The following SELENOF variants were observed in gnomAD, a reference collection of about 807,000 sequenced individuals.
SELENOF encodes selenoprotein F.
In SELENOF, 16 loss-of-function variants were observed where a neutral mutation model predicts 20.5. The ratio of observed to expected loss-of-function variants is 0.78; its 90% CI spans 0.53 to 1.19. The LOEUF is 1.19. SELENOF is among the 50% of genes most tolerant of loss of function. SELENOF has a pLI of 0.00. For synonymous variants in SELENOF, 78 were observed against 74.5 expected (o/e 1.05, Z -0.24); for missense variants, 215 against 194.2 (o/e 1.11, Z -0.64).
chr1:86,871,904 A>G (rs998421543), intron 3 of SELENOF, among the ~76,000 whole-genome samples: 1 of 152,194 alleles, frequency 6.6e-6, no homozygotes, highest in Non-Finnish European at 1.5e-5. Context: ...TAGCAAATAA[A>G]GTCCAAGAAA....
intron 2 of SELENOF, among the ~76,000 whole-genome samples, chr1:86,891,810 G>C (rs570419752): frequency 4.7e-4 from 71 of 152,108 alleles, no homozygotes; most frequent in African/African-American, 1.6e-3. Context: ...GATAATAATG[G>C]AATTTACCGA....
chr1:86,866,248 G>A (rs1017182030), intron 4 of SELENOF, among the ~76,000 whole-genome samples: 2 of 146,280 alleles, frequency 1.4e-5, no homozygotes, highest in African/African-American at 5.2e-5. Flanking sequence ...GTGTGTGTGT[G>A]TGTGTGTGTG....
At chr1:86,899,876 C>T (rs1462473134) in intron 2 of SELENOF, among the ~76,000 whole-genome samples, 4 of 149,046 alleles carry the variant, frequency 2.7e-5, no homozygotes, top group Non-Finnish European at 4.5e-5. Context: ...TCAGATGGGG[C>T]GGCTGGGCAG....
intron 4 of SELENOF, 42 bp from the exon 5 acceptor site, chr1:86,863,647 A>G: frequency 6.2e-7 from 1 of 1,601,386 alleles, no homozygotes; most frequent in Non-Finnish European, 8.5e-7. Context: ...CTGTTCAGAA[A>G]CAACCTTCTC....
At chr1:86,865,026 CTTA>C (rs1483427031) in intron 4 of SELENOF, among the ~76,000 whole-genome samples, 1 of 151,832 alleles carries the variant, frequency 6.6e-6, no homozygotes, top group African/African-American at 2.4e-5. Context: ...TATTAAAAAA[CTTA>C]TTATAATCCC....
At chr1:86,896,991 T>G (rs1428361826) in intron 2 of SELENOF, among the ~76,000 whole-genome samples, 1 of 149,356 alleles carries the variant, frequency 6.7e-6, no homozygotes, top group Non-Finnish European at 1.5e-5. Flanking sequence ...AGGCTGGAGA[T>G]TCATAAACAT....
chr1:86,883,615 T>C (rs1659135861), intron 2 of SELENOF, among the ~76,000 whole-genome samples: 1 of 152,234 alleles, frequency 6.6e-6, no homozygotes, highest in Admixed American at 6.5e-5. Context: ...ATTTATCTTT[T>C]GTTTATAAGC....
chr1:86,870,091 T>C (rs559146669), intron 3 of SELENOF, among the ~76,000 whole-genome samples: 2 of 152,234 alleles, frequency 1.3e-5, no homozygotes, highest in East Asian at 3.8e-4. Flanking sequence ...ATAAAAACAA[T>C]TGTTTCATTT....
chr1:86,883,460 T>C (rs1396436856), intron 2 of SELENOF, among the ~76,000 whole-genome samples: 1 of 151,550 alleles, frequency 6.6e-6, no homozygotes, highest in African/African-American at 2.4e-5. Context: ...CACTAAATAG[T>C]GTATAGTGTA....
At chr1:86,903,215 C>G (rs758281614) in intron 2 of SELENOF, 66 bp downstream of exon 2, 1 of 1,391,670 alleles carries the variant, frequency 7.2e-7, no homozygotes, top group African/African-American at 1.5e-5. Flanking sequence ...ATTGATTAAG[C>G]AACTTACATT....
At chr1:86,883,318 G>A (rs913170232) in intron 2 of SELENOF, among the ~76,000 whole-genome samples, 4 of 152,134 alleles carry the variant, frequency 2.6e-5, no homozygotes, top group African/African-American at 9.7e-5. Flanking sequence ...TGTTTCATGG[G>A]TGTAAGTTTC....
At chr1:86,874,190 C>T (rs987611094) in intron 3 of SELENOF, among the ~76,000 whole-genome samples, 6 of 151,576 alleles carry the variant, frequency 4.0e-5, no homozygotes, top group Non-Finnish European at 7.4e-5. Context: ...AGGCTGGTCT[C>T]GAACGCCTGA....
chr1:86,886,331 GC>G (rs1659216844), intron 2 of SELENOF, among the ~76,000 whole-genome samples: 2 of 152,150 alleles, frequency 1.3e-5, no homozygotes, highest in South Asian at 4.2e-4. Flanking sequence ...GGCAAAAATT[GC>G]AAAATGGTAA....
intron 3 of SELENOF, among the ~76,000 whole-genome samples, chr1:86,871,555 A>G (rs1658769585): frequency 6.6e-6 from 1 of 152,212 alleles, no homozygotes; most frequent in African/African-American, 2.4e-5. Context: ...AAAGTATAAT[A>G]AAAATGTATG....
chr1:86,913,854 G>A, intron 1 of SELENOF, 174 bp downstream of exon 1: 4 of 617,704 alleles, frequency 6.5e-6, no homozygotes, highest in East Asian at 2.8e-5. Flanking sequence ...AACCCAAGGC[G>A]GGGAAGGAGA....
At chr1:86,890,446 A>T (rs2102103534) in intron 2 of SELENOF, among the ~76,000 whole-genome samples, 1 of 152,294 alleles carries the variant, frequency 6.6e-6, no homozygotes, top group Non-Finnish European at 1.5e-5. Context: ...ATAAAATAAG[A>T]AGTAAACATT....
intron 4 of SELENOF, among the ~76,000 whole-genome samples, chr1:86,867,423 C>A (rs1268703026): frequency 6.6e-6 from 1 of 151,832 alleles, no homozygotes; most frequent in Non-Finnish European, 1.5e-5. Context: ...ACCCAGGAGG[C>A]AGAGGTTGCA....
intron 1 of SELENOF, 137 bp from the exon 2 acceptor site, chr1:86,903,585 T>C: frequency 1.6e-6 from 1 of 632,882 alleles, no homozygotes; most frequent in East Asian, 3.4e-5. Flanking sequence ...GATAAATTCT[T>C]TTAAATTTTA....
chr1:86,879,885 TTC>T (rs1363880340), intron 3 of SELENOF, among the ~76,000 whole-genome samples: 1 of 152,178 alleles, frequency 6.6e-6, no homozygotes, highest in African/African-American at 2.4e-5. Flanking sequence ...ACATATGACT[TTC>T]TCTCTTTTGT....
Sources: allele counts gnomAD v4.1 joint callset (sites outside exome capture counted in the v4.1 genomes callset), GRCh38; gene constraint gnomAD v4.1.1; transcripts MANE v1.5; gene names NCBI Gene and HGNC (gene_info 2026-07-23, HGNC 2026-07-21).